Variants in KLF12 observed in about 807,000 individuals in gnomAD.
The protein encoded by KLF12 is KLF transcription factor 12.
In KLF12, 9 loss-of-function variants were observed where a neutral mutation model predicts 37.8. That is an observed-to-expected ratio of 0.24 (90% CI 0.14 to 0.42). The LOEUF is 0.42. Ranked by LOEUF, KLF12 falls within the 10% of genes least tolerant of loss-of-function variation. The pLI is 1.00. For synonymous variants in KLF12, 208 were observed against 202.1 expected (o/e 1.03, Z -0.25); for missense variants, 411 against 516.0 (o/e 0.80, Z 1.97).
the KLF12 span, among the ~76,000 whole-genome samples, chr13:74,185,788 A>T: frequency 6.6e-6 from 1 of 152,068 alleles, no homozygotes; most frequent in Non-Finnish European, 1.5e-5. Flanking sequence ...CTGGGATTAC[A>T]GCCACGTGCC....
At chr13:73,902,741 T>A (rs1253759575) in intron 3 of KLF12, among the ~76,000 whole-genome samples, 1 of 152,258 alleles carries the variant, frequency 6.6e-6, no homozygotes, top group African/African-American at 2.4e-5. Context: ...CCTAATTGTA[T>A]AAGTACTAAA....
chr13:74,021,104 A>G (rs1178538842), intron 1 of KLF12, among the ~76,000 whole-genome samples: 1 of 152,210 alleles, frequency 6.6e-6, no homozygotes, highest in African/African-American at 2.4e-5. Context: ...GGTTTCACCT[A>G]AAGACCATGC....
At chr13:73,842,604 T>C (rs975826939) in intron 4 of KLF12, among the ~76,000 whole-genome samples, 1 of 152,258 alleles carries the variant, frequency 6.6e-6, no homozygotes, top group Non-Finnish European at 1.5e-5. Flanking sequence ...TAGGGTAACC[T>C]ATTTCTCTAT....
At chr13:74,134,993 C>T (rs1173099203), upstream of KLF12, among the ~76,000 whole-genome samples, 1 of 151,514 alleles carries the variant, frequency 6.6e-6, no homozygotes, top group African/African-American at 2.4e-5. Flanking sequence ...CGCCGGGCAT[C>T]GCCCGCGCCG....
the KLF12 span, among the ~76,000 whole-genome samples, chr13:74,237,799 G>A: frequency 6.6e-6 from 1 of 152,390 alleles, no homozygotes; most frequent in South Asian, 2.1e-4. Flanking sequence ...TGTATGCTGA[G>A]ACTTTGCTGA....
At chr13:74,145,911 CAG>C in the KLF12 span, among the ~76,000 whole-genome samples, 1 of 152,140 alleles carries the variant, frequency 6.6e-6, no homozygotes. Context: ...CTTAGTATCA[CAG>C]AGTCTAAGAA....
At chr13:73,808,301 T>C (rs1439547636) in intron 5 of KLF12, among the ~76,000 whole-genome samples, 3 of 151,940 alleles carry the variant, frequency 2.0e-5, no homozygotes, top group African/African-American at 4.8e-5. Flanking sequence ...ACAATTGAAA[T>C]AGAAAAAACG....
At chr13:74,282,401 T>C in the KLF12 span, among the ~76,000 whole-genome samples, 1 of 152,208 alleles carries the variant, frequency 6.6e-6, no homozygotes, top group African/African-American at 2.4e-5. Flanking sequence ...ATCTTGGTGA[T>C]TGGATCTGTG....
chr13:73,960,759 C>T (rs570026589), intron 2 of KLF12, among the ~76,000 whole-genome samples: 8 of 152,096 alleles, frequency 5.3e-5, no homozygotes, highest in African/African-American at 9.7e-5. Flanking sequence ...ACTATCAAAA[C>T]GTTTGCAAAT....
chr13:74,266,839 G>T, the KLF12 span, among the ~76,000 whole-genome samples: 1 of 152,288 alleles, frequency 6.6e-6, no homozygotes, highest in South Asian at 2.1e-4. Flanking sequence ...ATTGAGTTAA[G>T]TAATAACAAA....
chr13:73,814,678 G>T (rs1008337344), intron 4 of KLF12, among the ~76,000 whole-genome samples: 1 of 152,068 alleles, frequency 6.6e-6, no homozygotes, highest in African/African-American at 2.4e-5. Flanking sequence ...ATAAAGTAAT[G>T]GTCCTCAACC....
intron 1 of KLF12, among the ~76,000 whole-genome samples, chr13:74,113,983 T>C (rs944340573): frequency 2.0e-5 from 3 of 152,144 alleles, no homozygotes; most frequent in African/African-American, 7.2e-5. Context: ...AAGAGTTCAG[T>C]GGAATAAGTA....
chr13:74,246,604 G>A, the KLF12 span, among the ~76,000 whole-genome samples: 3 of 152,316 alleles, frequency 2.0e-5, no homozygotes, highest in South Asian at 2.1e-4. Flanking sequence ...CCAATGTGAG[G>A]AACACATCAA....
intron 2 of KLF12, among the ~76,000 whole-genome samples, chr13:73,993,091 G>A (rs1172866912): frequency 6.6e-6 from 1 of 152,084 alleles, no homozygotes; most frequent in Non-Finnish European, 1.5e-5. Context: ...AAATTAGCTA[G>A]GCAACATGGC....
At chr13:73,911,636 G>A (rs970238237) in intron 3 of KLF12, among the ~76,000 whole-genome samples, 1 of 152,224 alleles carries the variant, frequency 6.6e-6, no homozygotes, top group African/African-American at 2.4e-5. Flanking sequence ...CTATGAACTT[G>A]AGAGTATTTA....
At chr13:73,775,263 T>A (rs551655577) in intron 5 of KLF12, among the ~76,000 whole-genome samples, 1 of 152,304 alleles carries the variant, frequency 6.6e-6, no homozygotes, top group South Asian at 2.1e-4. Flanking sequence ...CCACCTTTAT[T>A]TTCATGGTTT....
the KLF12 span, among the ~76,000 whole-genome samples, chr13:74,298,899 G>C: frequency 6.6e-6 from 1 of 152,138 alleles, no homozygotes; most frequent in Non-Finnish European, 1.5e-5. Flanking sequence ...AAACAGCGTT[G>C]TGAGAATTCA....
chr13:73,846,655 G>A (rs1885042141), intron 3 of KLF12, among the ~76,000 whole-genome samples: 1 of 152,076 alleles, frequency 6.6e-6, no homozygotes, highest in Admixed American at 6.6e-5. Flanking sequence ...CTATGAAGGA[G>A]AAAAGAGGCC....
At chr13:73,933,317 T>C (rs948671227) in intron 3 of KLF12, among the ~76,000 whole-genome samples, 7 of 152,336 alleles carry the variant, frequency 4.6e-5, no homozygotes, top group African/African-American at 1.7e-4. Context: ...TTTCACTTTT[T>C]ATCTTAAAAC....
Sources: allele counts gnomAD v4.1 joint callset (sites outside exome capture counted in the v4.1 genomes callset), GRCh38; gene constraint gnomAD v4.1.1; transcripts MANE v1.5; gene names NCBI Gene and HGNC (gene_info 2026-07-23, HGNC 2026-07-21).